Variants in KIAA0825 observed in about 807,000 individuals in gnomAD.
KIAA0825 encodes the protein KIAA0825.
KIAA0825 carries 119 observed loss-of-function variants against 147.6 expected under a neutral mutation model. The observed-to-expected ratio is 0.81, with a 90% CI of 0.69 to 0.94. KIAA0825 has a LOEUF of 0.94. KIAA0825 is among the 40% of genes least tolerant of loss of function. KIAA0825 has a pLI of 0.00. For missense variants in KIAA0825, 1,381 were observed against 1,472.7 expected, an observed-to-expected ratio of 0.94 and a Z score of 1.02; for synonymous variants, 470 against 518.1, an observed-to-expected ratio of 0.91 and a Z score of 1.26.
intron 20 of KIAA0825, among the ~76,000 whole-genome samples, chr5:94,162,011 T>TA (rs1475385265): frequency 6.6e-6 from 1 of 152,204 alleles, no homozygotes; most frequent in African/African-American, 2.4e-5. Flanking sequence ...CAGCTTTTAG[T>TA]AAGCATTGGA....
intron 5 of KIAA0825, among the ~76,000 whole-genome samples, chr5:94,511,989 CA>C (rs765411315): frequency 1.8e-4 from 26 of 145,292 alleles, no homozygotes; most frequent in African/African-American, 4.0e-4. Context: ...AACTCTGTCT[CA>C]AAAAAAAAAT....
In KIAA0825 at chr5:94,171,969, A is replaced by G. The variant is rs189700316; in HGVS notation, c.3711-17845T>C. 5.9e-5 allele frequency among the ~76,000 whole-genome samples: 9 copies of G among 152,324 alleles called. No homozygotes were observed. The East Asian group carries it at 1.3e-3, about 23-fold the overall frequency. ...AAAAGATACATGATAATGCGCCTCA[A>G]TGTATTTGAACATTGAATGTCTCAT... On this transcript the variant is annotated intron_variant, in intron 20 of 20. Coordinates refer to ENST00000682413, the MANE Select transcript of KIAA0825 (RefSeq NM_001145678.3).
At chr5:94,378,750 A>G (rs1053470387) in intron 20 of KIAA0825, among the ~76,000 whole-genome samples, 22 of 152,334 alleles carry the variant, frequency 1.4e-4, no homozygotes, top group Non-Finnish European at 3.1e-4. Context: ...CCTTTTCTTC[A>G]TAATCTTGCC....
intron 6 of KIAA0825, among the ~76,000 whole-genome samples, chr5:94,478,767 G>T (rs939915589): frequency 3.3e-5 from 5 of 152,048 alleles, no homozygotes; most frequent in Admixed American, 1.3e-4. Context: ...CTCATTAAAA[G>T]AAAATATGGA....
At chr5:94,276,486 A>G (rs1777226919) in intron 20 of KIAA0825, among the ~76,000 whole-genome samples, 1 of 152,086 alleles carries the variant, frequency 6.6e-6, no homozygotes, top group African/African-American at 2.4e-5. Context: ...GGTGTAGCAG[A>G]AAGAGTGTGG....
intron 20 of KIAA0825, among the ~76,000 whole-genome samples, chr5:94,286,997 G>A (rs1777688994): frequency 6.6e-6 from 1 of 152,082 alleles, no homozygotes; most frequent in African/African-American, 2.4e-5. Context: ...ACAGGAGTTG[G>A]CACAGGCTCC....
intron 20 of KIAA0825, among the ~76,000 whole-genome samples, chr5:94,284,414 GCCA>G (rs1777581947): frequency 6.6e-6 from 1 of 152,130 alleles, no homozygotes; most frequent in South Asian, 2.1e-4. Context: ...CACGGCAACT[GCCA>G]CCAAACAGCA....
intron 14 of KIAA0825, among the ~76,000 whole-genome samples, chr5:94,435,867 G>T (rs1182731220): frequency 3.3e-5 from 5 of 152,094 alleles, no homozygotes; most frequent in African/African-American, 1.2e-4. Flanking sequence ...TTTCTCTAAT[G>T]ATCAGTGATG....
intron 5 of KIAA0825, among the ~76,000 whole-genome samples, chr5:94,498,765 T>C (rs1309570464): frequency 6.6e-6 from 1 of 152,176 alleles, no homozygotes; most frequent in East Asian, 1.9e-4. Context: ...CAGTGTAATC[T>C]CTACTGCTGG....
chr5:94,563,186 C>CAA (rs1410945218), intron 2 of KIAA0825, among the ~76,000 whole-genome samples: 5 of 102,480 alleles, frequency 4.9e-5, no homozygotes, highest in Admixed American at 2.6e-4. Flanking sequence ...CTAAAAATAC[C>CAA]AAAAAAAACA....
chr5:94,331,334 A>G (rs1023396828), intron 20 of KIAA0825, among the ~76,000 whole-genome samples: 3 of 152,206 alleles, frequency 2.0e-5, no homozygotes, highest in African/African-American at 4.8e-5. Context: ...TTGACCATTA[A>G]GATGAAATGA....
At chr5:94,458,199 T>C (rs531748878) in intron 12 of KIAA0825, among the ~76,000 whole-genome samples, 2 of 152,330 alleles carry the variant, frequency 1.3e-5, no homozygotes, top group South Asian at 4.1e-4. Context: ...AGTTGTTGCC[T>C]AAATGTCATT....
chr5:94,513,408 T>C (rs1766781127), intron 5 of KIAA0825, among the ~76,000 whole-genome samples: 1 of 152,168 alleles, frequency 6.6e-6, no homozygotes, highest in South Asian at 2.1e-4. Context: ...AATTAGAGGA[T>C]ATAGCAAGTG....
chr5:94,597,950 T>C (rs934539306), intron 1 of KIAA0825, among the ~76,000 whole-genome samples: 2 of 152,232 alleles, frequency 1.3e-5, no homozygotes, highest in African/African-American at 4.8e-5. Context: ...ATGGAGCTTA[T>C]AGGACTGGAA....
chr5:94,219,392 G>C (rs559710655), intron 20 of KIAA0825, among the ~76,000 whole-genome samples: 7 of 152,086 alleles, frequency 4.6e-5, no homozygotes, highest in South Asian at 2.1e-4. Flanking sequence ...TGTGTGGCCT[G>C]GTCCCCAAGA....
intron 14 of KIAA0825, among the ~76,000 whole-genome samples, chr5:94,432,605 CA>C (rs1755833001): frequency 6.6e-6 from 1 of 151,728 alleles, no homozygotes; most frequent in South Asian, 2.1e-4. Context: ...AAAAATAGAA[CA>C]AGTCAGAGTC....
chr5:94,211,880 A>T (rs1772742584), intron 20 of KIAA0825, among the ~76,000 whole-genome samples: 1 of 152,158 alleles, frequency 6.6e-6, no homozygotes, highest in Admixed American at 6.6e-5. Context: ...TAGGTATTTT[A>T]TATATACGTA....
chr5:94,489,968 T>TA (rs1269718009), intron 5 of KIAA0825, among the ~76,000 whole-genome samples: 2 of 152,092 alleles, frequency 1.3e-5, no homozygotes, highest in Admixed American at 6.6e-5. Flanking sequence ...GCATTGTTTT[T>TA]ATCCACTTTT....
intron 7 of KIAA0825, among the ~76,000 whole-genome samples, chr5:94,476,346 A>C (rs1268331316): frequency 1.3e-5 from 2 of 152,140 alleles, no homozygotes; most frequent in East Asian, 3.9e-4. Context: ...GGAGGCCGCA[A>C]CCACCCCTAG....
Sources: allele counts gnomAD v4.1 joint callset (sites outside exome capture counted in the v4.1 genomes callset), GRCh38; gene constraint gnomAD v4.1.1; transcripts MANE v1.5; gene names NCBI Gene and HGNC (gene_info 2026-07-23, HGNC 2026-07-21).